Variants in WDR74 observed in about 807,000 individuals in gnomAD.
WDR74 encodes the protein WD repeat domain 74, also known as WD repeat-containing protein 74.
Under a neutral mutation model 45.6 loss-of-function variants are expected in WDR74, and 31 were observed. The observed-to-expected ratio is 0.68, with a 90% CI of 0.51 to 0.92. The LOEUF is 0.92. Among genes scored for constraint, WDR74 ranks in the 40% least tolerant of loss-of-function variants. WDR74 has a pLI of 0.00. For missense variants in WDR74, 455 were observed against 497.2 expected (o/e 0.92, Z 0.81); for synonymous variants, 191 against 192.4 (o/e 0.99, Z 0.06).
chr11:62,836,051 T>C lies in WDR74; in HGVS notation c.294-15A>G, dbSNP rs753243925. The C allele has an allele frequency of 3.0e-5, 47 of 1,571,976 alleles. No individual in the cohort carries two copies. The Admixed American group carries it at 5.7e-4, about 19-fold the overall frequency. The stretch of plus-strand genomic sequence containing the variant: ...TGATGAGGGTGCTGCAGAGAAAGGA[T>C]AGAGTTGGGATTTTTTAAGTGCTTA... On this transcript the variant is annotated splice_polypyrimidine_tract_variant and intron_variant, in intron 3 of 10. Coordinates refer to ENST00000278856, the MANE Select transcript of WDR74 (RefSeq NM_001369450.1).
chr11:62,834,176 C>T (rs909399214), intron 8 of WDR74, 100 bp downstream of exon 8: 2 of 1,559,232 alleles, frequency 1.3e-6, no homozygotes, highest in African/African-American at 2.7e-5. Flanking sequence ...CAATCTGGCA[C>T]CTGAATGAGG....
intron 3 of WDR74, among the ~76,000 whole-genome samples, chr11:62,838,771 A>AC (rs1488694390): frequency 6.6e-6 from 1 of 151,864 alleles, no homozygotes; most frequent in Non-Finnish European, 1.5e-5. Flanking sequence ...AAAAAAAAAA[A>AC]AAACAAAAAA....
At chr11:62,834,051 A>T in intron 8 of WDR74, 114 bp from the exon 9 acceptor site, 2 of 1,484,896 alleles carry the variant, frequency 1.3e-6, no homozygotes. Flanking sequence ...AAACCCTGAG[A>T]CTGGAGCTTC....
chr11:62,841,604 G>C (rs554560090), upstream of WDR74: 2 of 152,210 alleles, frequency 1.3e-5, no homozygotes, highest in Admixed American at 6.5e-5. Flanking sequence ...AACAACGGTT[G>C]TTCTCTCCCC....
At chr11:62,841,398 GGCTGAAGTATGAAGATT>G (rs1334402400), upstream of WDR74, among the ~76,000 whole-genome samples, 5 of 151,668 alleles carry the variant, frequency 3.3e-5, no homozygotes, top group Non-Finnish European at 7.4e-5. Flanking sequence ...CTACCCCAGA[GGCTGAAGTATGAAGATT>G]GCTGAAGACC....
At chr11:62,841,789 G>A (rs918433230), upstream of WDR74, 3 of 152,212 alleles carry the variant, frequency 2.0e-5, no homozygotes, top group Admixed American at 6.5e-5. Context: ...CTTGATCTTA[G>A]CCAAAAGGCC....
chr11:62,839,001 A>G (rs1213100054), intron 3 of WDR74, 113 bp downstream of exon 3: 1 of 1,464,562 alleles, frequency 6.8e-7, no homozygotes, highest in African/African-American at 1.4e-5. Flanking sequence ...GGTCCCTGTC[A>G]CCCATTCAAA....
At chr11:62,838,156 TTTG>T (rs1484498057) in intron 3 of WDR74, among the ~76,000 whole-genome samples, 2 of 152,082 alleles carry the variant, frequency 1.3e-5, no homozygotes, top group Non-Finnish European at 2.9e-5. Context: ...TAAAACTTTT[TTTG>T]TTGTTTTTTT....
At position 62,833,842 on chromosome 11, in the gene WDR74, T is replaced by G; in HGVS notation, c.871A>C (p.Arg291=). The G allele has an allele frequency of 6.2e-7, 1 of 1,613,966 alleles. No individual in the cohort carries two copies. Residue 291 remains arginine, a synonymous_variant, in exon 9 of 11, where the codon AGA becomes CGA. Transcript: ENST00000278856. ...TGGATCCTGTGTATCCTCAAGACTC[T>G]GTCCAAGCCACAGGAGGCTAGTAGA... ...KPLLASCGLD[R]VLRIHRIQNP... is the part of the protein sequence containing the mutation.
chr11:62,835,772 C>T lies in WDR74; in HGVS notation c.439G>A (p.Ala147Thr), dbSNP rs909950472. The T allele has an allele frequency of 1.9e-6, 3 of 1,613,920 alleles. No individual in the cohort carries two copies. The highest frequency in any genetic ancestry group is 1.7e-6 in the Non-Finnish European group (2 of 1,179,848). The stretch of plus-strand genomic sequence containing the variant: ...AAAGCATTCTCTTTCCCACCTGTGG[C>T]AACCACATGGGGGTGTGCTGGGTCT... ...RQDPAHPHVV[A>T]TGGKENALKI... The change falls in exon 5 of 11, where the codon GCC becomes ACC. Residue 147 changes from alanine to threonine, a missense_variant. Ala to Thr is a moderately conservative substitution (Grantham distance 58). Coordinates refer to ENST00000278856, the MANE Select transcript of WDR74 (RefSeq NM_001369450.1).
intron 8 of WDR74, 135 bp downstream of exon 8, chr11:62,834,141 A>G (rs937083699): frequency 4.1e-6 from 6 of 1,478,022 alleles, no homozygotes; most frequent in Non-Finnish European, 4.7e-6. Context: ...TACAGCTTTT[A>G]GGGAAACCAG....
At chr11:62,839,460 G>C (rs774105076) in intron 1 of WDR74, 32 bp from the exon 2 acceptor site, 1 of 1,613,516 alleles carries the variant, frequency 6.2e-7, no homozygotes, top group South Asian at 1.1e-5. Flanking sequence ...CACGCCAGGG[G>C]CGCGAGTGCA....
At position 62,834,458 on chromosome 11, in the gene WDR74, G is replaced by C. The variant is rs1436978983; in HGVS notation, c.688C>G (p.Leu230Val). The C allele has an allele frequency of 6.3e-7, 1 of 1,582,964 alleles. No homozygotes were observed. The highest frequency in any genetic ancestry group is 8.6e-7 in the Non-Finnish European group (1 of 1,165,336). ...VLETTYGEYP[L>V]TAMTLTPGGN... is the part of the protein sequence containing the mutation. The stretch of plus-strand genomic sequence containing the variant: ...CCCGGAGTGAGGGTCATGGCTGTTA[G>C]TGGGTACTCTCCATAGGTGGTCTCT... The change falls in exon 7 of 11, where the codon CTA becomes GTA. Residue 230 changes from leucine to valine, a missense_variant. Leu to Val is a conservative substitution (Grantham distance 32). Transcript: ENST00000278856.
chr11:62,835,702 G>C lies in WDR74; in HGVS notation c.509C>G (p.Ala170Gly). 1 of 1,613,828 alleles carries C rather than the reference G, an allele frequency of 6.2e-7. No homozygotes were observed. The highest frequency in any genetic ancestry group is 8.5e-7 in the Non-Finnish European group (1 of 1,179,864). The change falls in exon 5 of 11, where the codon GCC (alanine) becomes GGC (glycine). Residue 170 changes from alanine (A) to glycine (G), a missense_variant. Ala to Gly is a moderately conservative substitution (Grantham distance 60). Transcript: ENST00000278856. ...LQGSEEPVFR[A>G]KNVRNDWLDL... ...CACACTCTTGTCACTCACGTTCTTG[G>C]CCCTGAACACAGGTTCCTCAGAGCC...
chr11:62,834,010 C>T, intron 8 of WDR74, 73 bp from the exon 9 acceptor site: 1 of 1,569,358 alleles, frequency 6.4e-7, no homozygotes, highest in Non-Finnish European at 8.6e-7. Flanking sequence ...CTGTTCCAAT[C>T]ACTTTCCATT....
At chr11:62,841,515 A>C (rs192947273), upstream of WDR74, 1 of 152,134 alleles carries the variant, frequency 6.6e-6, no homozygotes, top group Admixed American at 6.6e-5. Context: ...CACACTAGCG[A>C]TAAAAACACC....
At chr11:62,837,943 A>G (rs1262100638) in intron 3 of WDR74, among the ~76,000 whole-genome samples, 2 of 152,046 alleles carry the variant, frequency 1.3e-5, no homozygotes. Context: ...CTCTATAAAA[A>G]ACTTAAAAAT....
upstream of WDR74, chr11:62,841,670 T>A (rs1042842023): frequency 2.0e-5 from 3 of 152,068 alleles, no homozygotes; most frequent in South Asian, 2.1e-4. Flanking sequence ...ATGCGTGGAG[T>A]GGACGGAGCA....
At chr11:62,835,339 G>A (rs958292059) in intron 6 of WDR74, 92 bp downstream of exon 6, 27 of 1,180,488 alleles carry the variant, frequency 2.3e-5, no homozygotes, top group Admixed American at 5.8e-5. Context: ...AACTCAGAAT[G>A]GTGAGAAGAG....
Sources: gnomAD v4.1 joint callset for allele counts (sites outside exome capture counted in the v4.1 genomes callset) on GRCh38, gnomAD v4.1.1 for gene constraint, MANE v1.5 for transcripts, NCBI Gene and HGNC (gene_info 2026-07-23, HGNC 2026-07-21) for gene names.